ADAMTSL1: variants seen among roughly 807,000 people sequenced by gnomAD.
ADAMTSL1 encodes the protein ADAMTS-like protein 1.
Under a neutral mutation model 201.8 loss-of-function variants are expected in ADAMTSL1, and 126 were observed. The ratio of observed to expected loss-of-function variants is 0.62; its 90% CI spans 0.54 to 0.72. ADAMTSL1 has a LOEUF of 0.72. Ranked by LOEUF, ADAMTSL1 falls within the 30% of genes least tolerant of loss-of-function variation. ADAMTSL1 has a pLI of 0.00. For synonymous variants in ADAMTSL1, 1,121 were observed against 903.4 expected (o/e 1.24, Z -4.32); for missense variants, 2,679 against 2,277.8 (o/e 1.18, Z -3.59).
intron 4 of ADAMTSL1, among the ~76,000 whole-genome samples, chr9:18,584,375 C>A (rs977444092): frequency 6.6e-6 from 1 of 151,974 alleles, no homozygotes; most frequent in Non-Finnish European, 1.5e-5. Context: ...AGGCCCCCCC[C>A]AGCCACATGG....
chr9:18,393,410 G>C (rs1250663045), intron 2 of ADAMTSL1, among the ~76,000 whole-genome samples: 1 of 152,132 alleles, frequency 6.6e-6, no homozygotes, highest in African/African-American at 2.4e-5. Flanking sequence ...GTTGTCTCAA[G>C]ACTCACCCAG....
chr9:18,043,790 G>A (rs1821537333), intron 1 of ADAMTSL1, among the ~76,000 whole-genome samples: 1 of 151,878 alleles, frequency 6.6e-6, no homozygotes, highest in African/African-American at 2.4e-5. Flanking sequence ...AGATTTTTGT[G>A]AATTCTCCTG....
In ADAMTSL1 at chr9:18,680,352, G is replaced by C. The variant is rs199787607; in HGVS notation, c.1177G>C (p.Gly393Arg). 183 of 1,612,700 alleles carry C rather than the reference G, an allele frequency of 1.1e-4. No individual in the cohort carries two copies. The highest frequency in any genetic ancestry group is 2.9e-4 in the South Asian group (26 of 91,022). Residue 393 changes from glycine (G) to arginine (R), a missense_variant, in exon 11 of 29, where the codon GGG becomes CGG. Gly to Arg is a moderately radical substitution (Grantham distance 125, BLOSUM62 -2). Transcript: ENST00000380548. The stretch of plus-strand genomic sequence containing the variant: ...ATGGACCGCGTGCTCCTCCTCGTGT[G>C]GGGGGGGCATCCAGAGCCGGGCAGT... ...TPWTACSSSC[G>R]GGIQSRAVSC... is the part of the protein sequence containing the mutation.
chr9:18,421,581 C>T (rs1818951180), intron 2 of ADAMTSL1, among the ~76,000 whole-genome samples: 1 of 152,198 alleles, frequency 6.6e-6, no homozygotes, highest in Admixed American at 6.5e-5. Flanking sequence ...CAACATCCTC[C>T]CTCTCAAACC....
chr9:18,458,209 T>C (rs569494505), intron 2 of ADAMTSL1, among the ~76,000 whole-genome samples: 68 of 152,314 alleles, frequency 4.5e-4, no homozygotes, highest in African/African-American at 1.5e-3. Flanking sequence ...TTTCAAACAT[T>C]TTTTAGTGTG....
chr9:18,823,200 A>G (rs1824321165), intron 21 of ADAMTSL1, among the ~76,000 whole-genome samples: 2 of 152,090 alleles, frequency 1.3e-5, no homozygotes, highest in Admixed American at 1.3e-4. Flanking sequence ...AATCTGAGAG[A>G]GGTTTGCCAG....
chr9:18,001,529 C>T (rs963896913), intron 1 of ADAMTSL1, among the ~76,000 whole-genome samples: 1 of 151,988 alleles, frequency 6.6e-6, no homozygotes, highest in Non-Finnish European at 1.5e-5. Context: ...GGAGAAGGTG[C>T]ATCTAATCTT....
chr9:18,886,742 TC>T (rs373982475), intron 23 of ADAMTSL1, among the ~76,000 whole-genome samples: 45 of 152,256 alleles, frequency 3.0e-4, no homozygotes, highest in African/African-American at 1.0e-3. Flanking sequence ...CAGAATCACC[TC>T]CCAAAGGCCC....
chr9:18,398,681 C>T (rs942337437), intron 2 of ADAMTSL1, among the ~76,000 whole-genome samples: 2 of 152,104 alleles, frequency 1.3e-5, no homozygotes, highest in African/African-American at 4.8e-5. Context: ...TTCATTTTCA[C>T]TCTATTAGCA....
intron 2 of ADAMTSL1, among the ~76,000 whole-genome samples, chr9:18,174,608 G>A (rs1236295808): frequency 6.6e-6 from 1 of 152,108 alleles, no homozygotes; most frequent in South Asian, 2.1e-4. Flanking sequence ...GGATACACAT[G>A]ACTTTTTTTT....
chr9:18,255,068 T>C (rs1219726037), intron 2 of ADAMTSL1, among the ~76,000 whole-genome samples: 2 of 152,216 alleles, frequency 1.3e-5, no homozygotes, highest in Non-Finnish European at 2.9e-5. Context: ...AGTGAAAGTT[T>C]CTATATCTGA....
At chr9:18,110,804 A>G (rs186690789) in intron 1 of ADAMTSL1, among the ~76,000 whole-genome samples, 2 of 152,308 alleles carry the variant, frequency 1.3e-5, no homozygotes, top group Non-Finnish European at 1.5e-5. Flanking sequence ...ATGCCTACTT[A>G]TAAGTAATAG....
chr9:18,460,038 T>C (rs1336739578), intron 2 of ADAMTSL1, among the ~76,000 whole-genome samples: 4 of 152,166 alleles, frequency 2.6e-5, no homozygotes. Context: ...GAAAACCTAC[T>C]AATGCTCTCA....
chr9:18,726,238 C>T (rs898152690), intron 15 of ADAMTSL1, among the ~76,000 whole-genome samples: 2 of 152,142 alleles, frequency 1.3e-5, no homozygotes, highest in African/African-American at 4.8e-5. Flanking sequence ...CGTGGTGGCT[C>T]ACACCTGTAA....
At chr9:18,048,208 G>C (rs1245697069) in intron 1 of ADAMTSL1, among the ~76,000 whole-genome samples, 1 of 152,116 alleles carries the variant, frequency 6.6e-6, no homozygotes, top group Non-Finnish European at 1.5e-5. Flanking sequence ...TTGAAAAACA[G>C]TTTATTTTTT....
At chr9:18,417,273 T>A (rs1818718148) in intron 2 of ADAMTSL1, among the ~76,000 whole-genome samples, 1 of 149,970 alleles carries the variant, frequency 6.7e-6, no homozygotes, top group Non-Finnish European at 1.5e-5. Context: ...AAATTTCTGT[T>A]AGTAAAGAAA....
At chr9:18,305,470 C>G (rs528176032) in intron 2 of ADAMTSL1, among the ~76,000 whole-genome samples, 24 of 152,302 alleles carry the variant, frequency 1.6e-4, no homozygotes, top group Admixed American at 5.2e-4. Context: ...GAAATTCTCG[C>G]TGCCAGCACA....
chr9:18,600,018 A>G (rs1824532528), intron 4 of ADAMTSL1, among the ~76,000 whole-genome samples: 1 of 147,380 alleles, frequency 6.8e-6, no homozygotes, highest in Admixed American at 6.8e-5. Flanking sequence ...AAAAAAAAAA[A>G]AAATTCGGAT....
intron 2 of ADAMTSL1, among the ~76,000 whole-genome samples, chr9:18,177,297 C>A (rs2132154897): frequency 6.6e-6 from 1 of 152,196 alleles, no homozygotes. Flanking sequence ...TGCTGGACAC[C>A]AATCTGGTAT....
Sources: gnomAD v4.1 joint callset for allele counts (sites outside exome capture counted in the v4.1 genomes callset) on GRCh38, gnomAD v4.1.1 for gene constraint, MANE v1.5 for transcripts, NCBI Gene and HGNC (gene_info 2026-07-23, HGNC 2026-07-21) for gene names.